The following TACR2 variants were observed in gnomAD, a reference collection of about 807,000 sequenced individuals.
TACR2 encodes substance-K receptor.
TACR2 carries 24 observed loss-of-function variants against 28.9 expected under a neutral mutation model. The observed-to-expected ratio is 0.83, with a 90% CI of 0.60 to 1.17. The LOEUF (loss-of-function observed/expected upper bound fraction) is 1.17. TACR2 is among the 50% of genes most tolerant of loss of function. The probability of loss-of-function intolerance (pLI) is 0.00; values close to 1 mark genes in which losing one functional copy is unlikely to be tolerated. For missense variants in TACR2, 487 were observed against 524.4 expected (o/e 0.93, Z 0.70); for synonymous variants, 222 against 212.6 (o/e 1.04, Z -0.38).
intron 1 of TACR2, among the ~76,000 whole-genome samples, 187 bp from the exon 2 acceptor site, chr10:69,415,326 A>G (rs978813388): frequency 1.5e-4 from 23 of 152,150 alleles, no homozygotes; most frequent in African/African-American, 5.3e-4. Flanking sequence ...ACAGCCACAC[A>G]GCACACTGAT....
In TACR2 at chr10:69,409,005, T is replaced by C; in HGVS notation, c.658A>G (p.Ile220Val). 1 of 1,607,796 alleles carries C rather than the reference T, an allele frequency of 6.2e-7. No individual in the cohort carries two copies. Among genetic ancestry groups the C allele is most frequent in the South Asian group, 1.1e-5 (1 of 90,344 alleles). ...LAVMFVAYSV[I>V]GLTLWRRAVP... The stretch of plus-strand genomic sequence containing the variant: ...GCGCGCCTCCAGAGCGTGAGGCCGA[T>C]GACGCTGTAGGCTACAAACATCACC... Residue 220 changes from isoleucine (I) to valine (V), a missense_variant, in exon 3 of 5, where the codon ATC becomes GTC. Physicochemically the swap from Ile to Val is conservative, Grantham distance 29. Transcript: ENST00000373306.
intron 3 of TACR2, among the ~76,000 whole-genome samples, chr10:69,407,548 C>T (rs1442242505): frequency 6.6e-6 from 1 of 152,248 alleles, no homozygotes; most frequent in Admixed American, 6.5e-5. Flanking sequence ...TCAATGGCCA[C>T]TTCCTACAAA....
intron 4 of TACR2, 87 bp downstream of exon 4, chr10:69,406,997 T>C (rs1840507421): frequency 1.5e-6 from 2 of 1,373,794 alleles, no homozygotes; most frequent in Admixed American, 2.1e-5. Context: ...GGAATGAGGA[T>C]GGATGCTTGA....
At chr10:69,410,298 C>T (rs2133008207) in intron 2 of TACR2, among the ~76,000 whole-genome samples, 1 of 151,952 alleles carries the variant, frequency 6.6e-6, no homozygotes, top group South Asian at 2.1e-4. Context: ...GGGAGGACTG[C>T]TTGAGCCCAG....
chr10:69,409,772 C>T (rs1159295935), intron 2 of TACR2, among the ~76,000 whole-genome samples: 3 of 150,552 alleles, frequency 2.0e-5, no homozygotes, highest in African/African-American at 7.3e-5. Flanking sequence ...GAATTCAGTG[C>T]TATCTGAAGT....
In TACR2 at chr10:69,416,043, G is replaced by A; in HGVS notation, c.281C>T (p.Ala94Val). Reference sequence around the variant, plus strand: ...GCCAAAGTACCAGATGTTGTGGCTGGCATAGACAAAGTTGAAGGCGGCATT... The same window carrying A: ...GCCAAAGTACCAGATGTTGTGGCTGACATAGACAAAGTTGAAGGCGGCATT... ...AFNAAFNFVYASHNIWYFGRA... is the reference protein window; with the variant it reads ...AFNAAFNFVYVSHNIWYFGRA... Residue 94 changes from alanine (A) to valine (V), a missense_variant, in exon 1 of 5, where the codon GCC becomes GTC. Coordinates refer to ENST00000373306, the MANE Select transcript of TACR2 (RefSeq NM_001057.3). 1 of 1,614,214 alleles carries A rather than the reference G, an allele frequency of 6.2e-7. No individual in the cohort carries two copies. The highest frequency in any genetic ancestry group is 8.5e-7 in the Non-Finnish European group (1 of 1,180,038).
chr10:69,409,121 C>T lies in TACR2; in HGVS notation c.588-46G>A, dbSNP rs768836420. ...TGGGCAGCGGAGGGCCCGGGGGCGACTCCGAAGTCTGCCAGCGCCTGGTCC... is the reference window on the plus strand; with the variant it reads ...TGGGCAGCGGAGGGCCCGGGGGCGATTCCGAAGTCTGCCAGCGCCTGGTCC... On this transcript the variant is annotated intron_variant, in intron 2 of 4. Coordinates refer to ENST00000373306, the MANE Select transcript of TACR2 (RefSeq NM_001057.3). The T allele has an allele frequency of 3.4e-6, 5 of 1,475,142 alleles. No individual in the cohort carries two copies. The Admixed American group carries it at 7.4e-5, about 22-fold the overall frequency. 91.4% of individuals were successfully genotyped at this position (1,475,142 alleles called of 1,614,324 possible).
chr10:69,409,177 C>T, intron 2 of TACR2, 102 bp from the exon 3 acceptor site: 1 of 1,278,512 alleles, frequency 7.8e-7, no homozygotes, highest in South Asian at 1.9e-5. Context: ...GGAGCCGCCC[C>T]TGCGGGCCCA....
At chr10:69,413,310 A>G (rs1010714402) in intron 2 of TACR2, among the ~76,000 whole-genome samples, 3 of 152,078 alleles carry the variant, frequency 2.0e-5, no homozygotes, top group Non-Finnish European at 4.4e-5. Flanking sequence ...AAGCAACACC[A>G]AAGTATGGCT....
At chr10:69,406,557 A>G (rs1277509429) in intron 4 of TACR2, among the ~76,000 whole-genome samples, 2 of 152,174 alleles carry the variant, frequency 1.3e-5, no homozygotes, top group Non-Finnish European at 2.9e-5. Context: ...TCCAGGGAGC[A>G]GCCTGCCCCA....
chr10:69,416,649 G>C lies in TACR2; in HGVS notation c.-326C>G, dbSNP rs974901998. On this transcript the variant is annotated 5_prime_UTR_variant, in exon 1 of 5. Coordinates refer to ENST00000373306, the MANE Select transcript of TACR2 (RefSeq NM_001057.3). ...CTTATAAATCAACCCCTTCGCTGAA[G>C]AGATGGAAGACAGAGATTCCAAGAG... The C allele has an allele frequency of 3.4e-5, 8 of 237,052 alleles. No homozygotes were observed. Among genetic ancestry groups the C allele is most frequent in the African/African-American group, 1.3e-4 (6 of 44,486 alleles). 14.7% of individuals were successfully genotyped at this position (237,052 alleles called of 1,614,324 possible).
Position 69,416,102 on chromosome 10 carries a change from A to G in TACR2, c.222T>C (p.Asn74=). 6.2e-7 allele frequency: 1 copy of G among 1,614,230 alleles called. No individual in the cohort carries two copies. The highest frequency in any genetic ancestry group is 8.5e-7 in the Non-Finnish European group (1 of 1,180,052). Residue 74 remains asparagine, a synonymous_variant, in exon 1 of 5, where the codon AAT becomes AAC. Transcript: ENST00000373306. ...CCATGCAGAGGTCAGCCAGCGCCAG[A>G]TTGACGATGAAGTAGTTGGTGACTG... The part of the protein sequence containing the change: ...MRTVTNYFIV[N]LALADLCMAA...
intron 2 of TACR2, among the ~76,000 whole-genome samples, chr10:69,410,326 G>A (rs559875157): frequency 1.3e-5 from 2 of 151,808 alleles, no homozygotes; most frequent in African/African-American, 4.8e-5. Flanking sequence ...AGACCAACCT[G>A]GGCAAGATAG....
In TACR2 at chr10:69,409,073, T is replaced by C. The variant is rs1241698367; in HGVS notation, c.590A>G (p.Tyr197Cys). ...EDSGGKTLLL[Y>C]HLVVIALIYF... ...GATGAGGGCGATCACCACGAGGTGGTACCTGCAGGGAGAGCCGAGGCCTGG... is the reference window on the plus strand; with the variant it reads ...GATGAGGGCGATCACCACGAGGTGGCACCTGCAGGGAGAGCCGAGGCCTGG... Residue 197 changes from tyrosine (Y) to cysteine (C), a missense_variant and splice_region_variant, in exon 3 of 5, where the codon TAC becomes TGC. Tyr to Cys is a radical substitution (Grantham distance 194). Transcript: ENST00000373306. 1.2e-6 allele frequency: 2 copies of C among 1,600,626 alleles called. No homozygotes were observed. Among genetic ancestry groups the C allele is most frequent in the South Asian group, 1.1e-5 (1 of 89,408 alleles).
At chr10:69,411,314 G>A (rs995119687) in intron 2 of TACR2, among the ~76,000 whole-genome samples, 2 of 152,166 alleles carry the variant, frequency 1.3e-5, no homozygotes, top group African/African-American at 4.8e-5. Flanking sequence ...ACTCTATCTT[G>A]CTTCTAATCC....
intron 2 of TACR2, 111 bp downstream of exon 2, chr10:69,414,834 G>T: frequency 8.3e-7 from 1 of 1,204,828 alleles, no homozygotes; most frequent in Non-Finnish European, 1.2e-6. Flanking sequence ...GTACACCCAT[G>T]CATGCACACC....
At chr10:69,413,381 C>T (rs1284710452) in intron 2 of TACR2, among the ~76,000 whole-genome samples, 1 of 152,236 alleles carries the variant, frequency 6.6e-6, no homozygotes, top group Non-Finnish European at 1.5e-5. Flanking sequence ...ATGGAACTCG[C>T]TGTTCTCAGA....
At chr10:69,410,581 G>A (rs1279458077) in intron 2 of TACR2, among the ~76,000 whole-genome samples, 1 of 150,998 alleles carries the variant, frequency 6.6e-6, no homozygotes, top group African/African-American at 2.4e-5. Flanking sequence ...TATGAGTGAC[G>A]CTGCAGCCTC....
chr10:69,410,422 G>A (rs1291017371), intron 2 of TACR2, among the ~76,000 whole-genome samples: 1 of 151,610 alleles, frequency 6.6e-6, no homozygotes, highest in Non-Finnish European at 1.5e-5. Flanking sequence ...TCAGGAGGCT[G>A]AGGCAAGAGG....
Sources: allele counts gnomAD v4.1 joint callset (sites outside exome capture counted in the v4.1 genomes callset), GRCh38; gene constraint gnomAD v4.1.1; transcripts MANE v1.5; gene names NCBI Gene and HGNC (gene_info 2026-07-23, HGNC 2026-07-21).